Variants in ADAMTS7 observed in about 807,000 individuals in gnomAD.
ADAMTS7 encodes the protein A disintegrin and metalloproteinase with thrombospondin motifs 7.
ADAMTS7 carries 89 observed loss-of-function variants against 172.6 expected under a neutral mutation model. The observed-to-expected ratio is 0.52, with a 90% CI of 0.43 to 0.61. The LOEUF is 0.61. Ranked by LOEUF, ADAMTS7 falls within the 20% of genes least tolerant of loss-of-function variation. The probability of loss-of-function intolerance (pLI) is 0.00; values close to 1 mark genes in which losing one functional copy is unlikely to be tolerated. For synonymous variants in ADAMTS7, 885 were observed against 978.4 expected (o/e 0.90, Z 1.78); for missense variants, 1,973 against 2,355.6 (o/e 0.84, Z 3.36).
intron 4 of ADAMTS7, among the ~76,000 whole-genome samples, chr15:78,792,001 T>G (rs2055587546): frequency 2.6e-5 from 2 of 77,242 alleles, no homozygotes; most frequent in South Asian, 7.9e-4. Context: ...TGGGGACAGC[T>G]GGCAGGTTCC....
At chr15:78,775,110 G>A (rs139648962) in intron 11 of ADAMTS7, among the ~76,000 whole-genome samples, 3,841 of 152,294 alleles carry the variant, frequency 0.025, 77 homozygotes, top group Non-Finnish European at 0.039. Context: ...GGCTGCTTCT[G>A]CAGAGGGCTG....
In ADAMTS7 at chr15:78,799,112, T is replaced by C. The variant is rs552924658; in HGVS notation, c.457-999A>G. The stretch of plus-strand genomic sequence containing the variant: ...AAGGGACAGGCACAGGCTCCATAAA[T>C]GGGAATACTGTGCAGGGCAGATGGG... On this transcript the variant is annotated intron_variant, in intron 2 of 23. Coordinates refer to ENST00000388820, the MANE Select transcript of ADAMTS7 (RefSeq NM_014272.5). Among the ~76,000 whole-genome samples, 12 of 149,738 alleles carry C rather than the reference T, an allele frequency of 8.0e-5. No individual in the cohort carries two copies. The East Asian group carries it at 2.2e-3, about 27-fold the overall frequency.
At chr15:78,810,111 C>T (rs371551194) in intron 1 of ADAMTS7, among the ~76,000 whole-genome samples, 39 of 152,336 alleles carry the variant, frequency 2.6e-4, no homozygotes, top group African/African-American at 9.4e-4. Context: ...GGCAGGTCGA[C>T]CCCATCCCAG....
In ADAMTS7 at chr15:78,808,951, C is replaced by G. The variant is rs148792785; in HGVS notation, c.100+2170G>C. 1.0e-3 allele frequency among the ~76,000 whole-genome samples: 152 copies of G among 152,250 alleles called. 1 individual carries two copies. Among genetic ancestry groups the G allele is most frequent in the African/African-American group, 3.4e-3 (142 of 41,530 alleles). On this transcript the variant is annotated intron_variant, in intron 1 of 23. Transcript: ENST00000388820. ...CTTTGGAGCTTCTACCAAAGAAATGCCAAGATGGTGTTTACCCTCACCTCC... is the reference window on the plus strand; with the variant it reads ...CTTTGGAGCTTCTACCAAAGAAATGGCAAGATGGTGTTTACCCTCACCTCC...
chr15:78,800,356 T>G lies in ADAMTS7; in HGVS notation c.292A>C (p.Asn98His), dbSNP rs772730805. The change falls in exon 2 of 24, where the codon AAT (asparagine) becomes CAT (histidine). Residue 98 changes from asparagine to histidine, a missense_variant. Asn to His is a moderately conservative substitution (Grantham distance 68, BLOSUM62 1). Around this residue, in one of 8 missense-constraint regions of ADAMTS7, gnomAD observed 306 missense variants for 288.0 expected, o/e 1.06. Coordinates refer to ENST00000388820, the MANE Select transcript of ADAMTS7 (RefSeq NM_014272.5). Reference sequence around the variant, plus strand: ...AAGCCGGGCGCCAGCAGGTGCTGATTGGCGGTCAGGTTGAAGCGCAGCTCG... The same window carrying G: ...AAGCCGGGCGCCAGCAGGTGCTGATGGGCGGTCAGGTTGAAGCGCAGCTCG... ...GRELRFNLTA[N>H]QHLLAPGFVS... 1.2e-6 allele frequency: 2 copies of G among 1,605,298 alleles called. No homozygotes were observed. Among genetic ancestry groups the G allele is most frequent in the Admixed American group, 3.4e-5 (2 of 58,998 alleles).
intron 1 of ADAMTS7, 88 bp from the exon 2 acceptor site, chr15:78,800,635 G>A (rs2055712559): frequency 7.3e-6 from 9 of 1,236,330 alleles, no homozygotes; most frequent in South Asian, 2.6e-5. Flanking sequence ...CGGCCAAGAG[G>A]GGGCTGCTGG....
intron 8 of ADAMTS7, among the ~76,000 whole-genome samples, chr15:78,783,330 C>T (rs1295438052): frequency 3.9e-5 from 6 of 152,154 alleles, no homozygotes; most frequent in Non-Finnish European, 7.4e-5. Flanking sequence ...AGTACAGTGG[C>T]GCAATCTCAG....
chr15:78,780,059 C>T (rs2055408145), intron 8 of ADAMTS7, among the ~76,000 whole-genome samples: 3 of 145,672 alleles, frequency 2.1e-5, no homozygotes, highest in Non-Finnish European at 4.5e-5. Flanking sequence ...TTCACGTCCT[C>T]ATCTACAAGA....
chr15:78,810,988 G>A (rs1596206533), intron 1 of ADAMTS7, 133 bp downstream of exon 1: 3 of 988,370 alleles, frequency 3.0e-6, no homozygotes, highest in Non-Finnish European at 3.9e-6. Flanking sequence ...TACCCAGGGA[G>A]CGGAAGACGC....
At chr15:78,780,777 C>T (rs1487643138) in intron 8 of ADAMTS7, among the ~76,000 whole-genome samples, 1 of 152,256 alleles carries the variant, frequency 6.6e-6, no homozygotes, top group Non-Finnish European at 1.5e-5. Flanking sequence ...CACCCTTCTT[C>T]CTCGGCGTGG....
In ADAMTS7 at chr15:78,801,539, A is replaced by G. The variant is rs539421123; in HGVS notation, c.101-992T>C. 3.3e-5 allele frequency among the ~76,000 whole-genome samples: 5 copies of G among 152,010 alleles called. No homozygotes were observed. In the South Asian group the frequency reaches 8.3e-4, roughly 25 times the overall value. On this transcript the variant is annotated intron_variant, in intron 1 of 23. Transcript: ENST00000388820. ...AAATTGCAACTCCCTAGCTCTCCCT[A>G]TCCCCCTTCCTTGCTTTATTTTTCC...
chr15:78,787,238 T>A (rs1038346865), intron 8 of ADAMTS7, among the ~76,000 whole-genome samples: 24 of 151,496 alleles, frequency 1.6e-4, no homozygotes, highest in African/African-American at 5.8e-4. Context: ...GCTATACTCA[T>A]ATTTGCATTT....
rs2055353851 is a variant in ADAMTS7 at position 78,776,839 on chromosome 15, A to G, written c.1470T>C (p.Asn490=). 6.5e-7 allele frequency: 1 copy of G among 1,541,840 alleles called. No individual in the cohort carries two copies. The highest frequency in any genetic ancestry group is 2.1e-4 in the Middle Eastern group (1 of 4,850). Residue 490 remains asparagine (N), a splice_region_variant and synonymous_variant, in exon 10 of 24, where the codon AAT becomes AAC. Transcript: ENST00000388820. ...AYSAFCEDMD[N]VCHTLWCSVG... is the part of the protein sequence containing the mutation. ...CAGAGCACCAGAGTGTGTGGCAGACATTCTGCGAGGAGGAGGGCATGGGCC... is the reference window on the plus strand; with the variant it reads ...CAGAGCACCAGAGTGTGTGGCAGACGTTCTGCGAGGAGGAGGGCATGGGCC...
chr15:78,776,944 C>G, intron 9 of ADAMTS7, 103 bp from the exon 10 acceptor site: 3 of 906,114 alleles, frequency 3.3e-6, no homozygotes, highest in Non-Finnish European at 5.1e-6. Flanking sequence ...CACCCCTCCA[C>G]ATGGCAGGGG....
At chr15:78,780,212 C>T (rs1464815902) in intron 8 of ADAMTS7, among the ~76,000 whole-genome samples, 5 of 149,786 alleles carry the variant, frequency 3.3e-5, no homozygotes, top group Non-Finnish European at 7.4e-5. Context: ...TCCCCAAACC[C>T]GTCAGCCCTT....
chr15:78,798,263 G>C (rs1400271164), intron 2 of ADAMTS7, 150 bp from the exon 3 acceptor site: 1 of 704,912 alleles, frequency 1.4e-6, no homozygotes, highest in African/African-American at 1.9e-5. Context: ...CTCCCGCTGG[G>C]CCTTTGCTCA....
At chr15:78,782,293 A>G (rs113139879) in intron 8 of ADAMTS7, among the ~76,000 whole-genome samples, 38 of 151,612 alleles carry the variant, frequency 2.5e-4, no homozygotes, top group African/African-American at 9.0e-4. Context: ...AGTCTCCCAA[A>G]GTGCTGGGTT....
rs1167740260 is a variant in ADAMTS7 at position 78,771,484 on chromosome 15, G to A, written c.2376+101C>T. On this transcript the variant is annotated intron_variant, in intron 15 of 23. Transcript: ENST00000388820. This position sits in a 1 kb window ranked among gnomAD's most constrained non-coding sequence, Gnocchi z 4.9. Reference sequence around the variant, plus strand: ...TGGCTCAGAGCCAGGCTCTGTGACTGAACCAGGGCTCACTCCTCCAGGACG... The same window carrying A: ...TGGCTCAGAGCCAGGCTCTGTGACTAAACCAGGGCTCACTCCTCCAGGACG... 7.8e-6 allele frequency: 12 copies of A among 1,539,508 alleles called. No homozygotes were observed. The East Asian group carries it at 2.9e-4, about 37-fold the overall frequency.
Position 78,774,283 on chromosome 15 carries a change from G to A in ADAMTS7, c.1894C>T (p.His632Tyr), listed in dbSNP as rs2055301866. The change falls in exon 13 of 24, where the codon CAC becomes TAC. Residue 632 changes from histidine (H) to tyrosine (Y), a missense_variant. His to Tyr is a moderately conservative substitution (Grantham distance 83). Transcript: ENST00000388820. ...AAGTACTCATTCGCGGGCCGGCAGTGCAGCTCGCAGGGGTTCACTGAGGGC... is the reference window on the plus strand; with the variant it reads ...AAGTACTCATTCGCGGGCCGGCAGTACAGCTCGCAGGGGTTCACTGAGGGC... Reference protein sequence around the residue: ...VVNDVNPCELHCRPANEYFAE... With the variant: ...VVNDVNPCELYCRPANEYFAE... 1 of 1,573,788 alleles carries A rather than the reference G, an allele frequency of 6.4e-7. No homozygotes were observed. Among genetic ancestry groups the A allele is most frequent in the Non-Finnish European group, 8.6e-7 (1 of 1,169,262 alleles).
Sources: gnomAD v4.1 joint callset for allele counts (sites outside exome capture counted in the v4.1 genomes callset) on GRCh38, gnomAD v4.1.1 for gene constraint, gnomAD v4.1.1 regional missense constraint, Gnocchi (gnomAD v3.1) non-coding constraint, MANE v1.5 for transcripts, NCBI Gene and HGNC (gene_info 2026-07-23, HGNC 2026-07-21) for gene names.